The following ITIH3 variants were observed in gnomAD, a reference collection of about 807,000 sequenced individuals.
ITIH3 encodes the protein inter-alpha-trypsin inhibitor heavy chain 3, also known as inter-alpha-trypsin inhibitor heavy chain H3.
ITIH3 carries 81 observed loss-of-function variants against 96.5 expected under a neutral mutation model. The ratio of observed to expected loss-of-function variants is 0.84; its 90% CI spans 0.70 to 1.01. The LOEUF (loss-of-function observed/expected upper bound fraction) is 1.01, where lower values mean the gene tolerates loss of function less well. Ranked by LOEUF, ITIH3 falls within the 50% of genes least tolerant of loss-of-function variation. ITIH3 has a pLI of 0.00. For synonymous variants in ITIH3, 422 were observed against 445.2 expected (o/e 0.95, Z 0.66); for missense variants, 1,057 against 1,139.3 (o/e 0.93, Z 1.04).
At chr3:52,802,058 T>C (rs1259771055) in intron 11 of ITIH3, 4 of 394,286 alleles carry the variant, frequency 1.0e-5, no homozygotes, top group Non-Finnish European at 1.8e-5. Context: ...CCTTAAATAC[T>C]TTCTTTGTGC....
intron 7 of ITIH3, 62 bp from the exon 8 acceptor site, chr3:52,799,310 A>T: frequency 7.5e-7 from 1 of 1,325,846 alleles, no homozygotes; most frequent in Non-Finnish European, 1.0e-6. Flanking sequence ...TCTACCTGCA[A>T]GAATAGTCAA....
chr3:52,799,210 G>T, intron 7 of ITIH3, 119 bp downstream of exon 7: 1 of 1,337,064 alleles, frequency 7.5e-7, no homozygotes, highest in South Asian at 1.3e-5. Context: ...CCTGCAGGAT[G>T]TGGGACAGCT....
intron 13 of ITIH3, among the ~76,000 whole-genome samples, chr3:52,803,093 G>C (rs913200500): frequency 6.6e-6 from 1 of 152,166 alleles, no homozygotes; most frequent in Non-Finnish European, 1.5e-5. Flanking sequence ...AGGCTGAGTG[G>C]AACTGAAGGC....
intron 10 of ITIH3, 147 bp from the exon 11 acceptor site, chr3:52,800,818 C>T (rs550289890): frequency 6.9e-7 from 1 of 1,450,774 alleles, no homozygotes; most frequent in Admixed American, 2.0e-5. Context: ...CTCCCTCTGC[C>T]AGGGCTCTCC....
intron 18 of ITIH3, 23 bp downstream of exon 18, chr3:52,806,429 G>A (rs368064940): frequency 2.8e-5 from 44 of 1,569,548 alleles, no homozygotes; most frequent in East Asian, 1.1e-4. Context: ...GGCTAGGGCC[G>A]GGGCCAGGGG....
At chr3:52,797,302 C>T in intron 5 of ITIH3, 35 bp downstream of exon 5, 2 of 1,570,828 alleles carry the variant, frequency 1.3e-6, no homozygotes, top group African/African-American at 2.7e-5. Context: ...GGGGGGACGG[C>T]AGCGGGGTGC....
At chr3:52,799,533 G>A (rs1394625205) in intron 8 of ITIH3, 45 bp downstream of exon 8, 2 of 1,406,586 alleles carry the variant, frequency 1.4e-6, no homozygotes, top group African/African-American at 2.9e-5. Flanking sequence ...GTAGTAGGGG[G>A]TGGAAGAGAT....
At position 52,797,861 on chromosome 3, in the gene ITIH3, T is replaced by G; in HGVS notation, c.594T>G (p.Asp198Glu). Residue 198 changes from aspartate to glutamate, a missense_variant, in exon 6 of 22, where the codon GAT (aspartate) becomes GAG (glutamate). Physicochemically the swap from Asp to Glu is conservative, Grantham distance 45. Coordinates refer to ENST00000449956, the MANE Select transcript of ITIH3 (RefSeq NM_002217.4). ...AGCCTCAGGGAATCAGCATGCTGGA[T>G]GCTGAGGCCTCTTTCATCACCAACG... Reference protein sequence around the residue: ...IFEPQGISMLDAEASFITNDL... With the variant: ...IFEPQGISMLEAEASFITNDL... 6.2e-7 allele frequency: 1 copy of G among 1,610,294 alleles called. No individual in the cohort carries two copies. The highest frequency in any genetic ancestry group is 8.5e-7 in the Non-Finnish European group (1 of 1,178,564).
At chr3:52,796,142 C>T in intron 2 of ITIH3, 1 of 274,160 alleles carries the variant, frequency 3.6e-6, no homozygotes, top group Non-Finnish European at 6.9e-6. Flanking sequence ...GGAGGATGAG[C>T]AGGAAGAGCC....
Position 52,802,724 on chromosome 3 carries a change from C to A in ITIH3, c.1627C>A (p.Leu543Met), listed in dbSNP as rs1278128166. The A allele has an allele frequency of 6.2e-7, 1 of 1,614,004 alleles. No homozygotes were observed. The highest frequency in any genetic ancestry group is 1.7e-5 in the Admixed American group (1 of 60,032). ...EVDMKEMEKA[L>M]QERDYIFGNY... ...GGACATGAAGGAGATGGAGAAGGCC[C>A]TGCAGGAGCGGGACTACATCTTCGG... is the stretch of plus-strand genomic sequence containing the variant. The change falls in exon 13 of 22, where the codon CTG becomes ATG. Residue 543 changes from leucine (L) to methionine (M), a missense_variant. Leu to Met is a conservative substitution (Grantham distance 15). Transcript: ENST00000449956.
At position 52,796,543 on chromosome 3, in the gene ITIH3, T is replaced by C. The variant is rs1329712617; in HGVS notation, c.177T>C (p.Ala59=). 6.2e-7 allele frequency: 1 copy of C among 1,613,614 alleles called. No individual in the cohort carries two copies. The stretch of plus-strand genomic sequence containing the variant: ...ACTCCAAGGTGACCTCCCGTTTTGC[T>C]CACAATGTTGTCACCATGAGAGCCG... ...KINSKVTSRF[A]HNVVTMRAVN... Residue 59 remains alanine, a synonymous_variant, in exon 3 of 22, where the codon GCT becomes GCC. Coordinates refer to ENST00000449956, the MANE Select transcript of ITIH3 (RefSeq NM_002217.4).
chr3:52,800,755 G>C lies in ITIH3; in HGVS notation c.1201+92G>C, dbSNP rs1699801387. The C allele has an allele frequency of 3.3e-6, 5 of 1,529,370 alleles. No individual in the cohort carries two copies. In the Admixed American group the frequency reaches 9.8e-5, roughly 30 times the overall value. The allele number at this position is 1,529,370 out of a possible 1,614,324, so 94.7% of individuals were successfully genotyped here. On this transcript the variant is annotated intron_variant, in intron 10 of 21. Transcript: ENST00000449956. ...CTGGCTCATTGGAAAACCTGGGGCA[G>C]CTCTTCCCTGGGTTCCCTGTGGTCT...
At chr3:52,799,511 C>G (rs141881202) in intron 8 of ITIH3, 23 bp downstream of exon 8, 1 of 1,549,078 alleles carries the variant, frequency 6.5e-7, no homozygotes, top group Non-Finnish European at 8.8e-7. Context: ...AGTGGCACAG[C>G]CAGGGCTCGG....
In ITIH3 at chr3:52,808,132, C is replaced by G. The variant is rs891569992; in HGVS notation, c.2454C>G (p.Asp818Glu). ...CAGGGCAATTCTTCCAACCCTTTGA[C>G]TTTAAAGTGTCTGACATCCGGCCAG... The part of the protein sequence containing the change: ...GLLGQFFQPF[D>E]FKVSDIRPGS... The change falls in exon 21 of 22, where the codon GAC (aspartate) becomes GAG (glutamate). Residue 818 changes from aspartate (D) to glutamate (E), a missense_variant. Transcript: ENST00000449956. 2 of 1,614,190 alleles carry G rather than the reference C, an allele frequency of 1.2e-6. No homozygotes were observed. The highest frequency in any genetic ancestry group is 1.7e-6 in the Non-Finnish European group (2 of 1,180,004).
chr3:52,807,116 C>G lies in ITIH3; in HGVS notation c.2261+11C>G, dbSNP rs1045122309. 1 of 1,576,274 alleles carries G rather than the reference C, an allele frequency of 6.3e-7. No individual in the cohort carries two copies. The highest frequency in any genetic ancestry group is 8.6e-7 in the Non-Finnish European group (1 of 1,161,152). ...AGTCACGCAGGATGGGTAAGCTCCCCTACAAGGTCTCCAAGGTGGACTACA... is the reference window on the plus strand; with the variant it reads ...AGTCACGCAGGATGGGTAAGCTCCCGTACAAGGTCTCCAAGGTGGACTACA... On this transcript the variant is annotated intron_variant, in intron 19 of 21. Coordinates refer to ENST00000449956, the MANE Select transcript of ITIH3 (RefSeq NM_002217.4).
In ITIH3 at chr3:52,796,338, C is replaced by T. The variant is rs187733068; in HGVS notation, c.115-143C>T. On this transcript the variant is annotated intron_variant, in intron 2 of 21. Coordinates refer to ENST00000449956, the MANE Select transcript of ITIH3 (RefSeq NM_002217.4). ...AGACTGGAGACGCCACCAAGTCTTCCAGTGTAGAAGACCTGGAGGATGAGG... is the reference window on the plus strand; with the variant it reads ...AGACTGGAGACGCCACCAAGTCTTCTAGTGTAGAAGACCTGGAGGATGAGG... 94 of 665,512 alleles carry T rather than the reference C, an allele frequency of 1.4e-4. No homozygotes were observed. The South Asian group carries it at 1.8e-3, about 13-fold the overall frequency. The allele number at this position is 665,512 out of a possible 1,614,324, so 41.2% of individuals were successfully genotyped here.
intron 1 of ITIH3, 70 bp from the exon 2 acceptor site, chr3:52,795,533 C>T: frequency 6.5e-7 from 1 of 1,540,916 alleles, no homozygotes; most frequent in Admixed American, 1.9e-5. Flanking sequence ...CCCAGAGCCT[C>T]CCAGGCCATG....
chr3:52,807,869 A>G lies in ITIH3; in HGVS notation c.2384A>G (p.Tyr795Cys), dbSNP rs1264429471. The change falls in exon 20 of 22, where the codon TAC becomes TGC. Residue 795 changes from tyrosine to cysteine, a missense_variant. By Grantham distance (194) the Tyr-to-Cys change is radical. Transcript: ENST00000449956. ...GTCCACCGTGACTTTCTAGGCTTCT[A>G]CGTGGTGGACAGTCACCGGATGTCA... ...HPVHRDFLGF[Y>C]VVDSHRMSAQ... 1.2e-6 allele frequency: 2 copies of G among 1,612,496 alleles called. No homozygotes were observed. The highest frequency in any genetic ancestry group is 3.3e-5 in the Admixed American group (2 of 59,790).
chr3:52,801,038 G>A lies in ITIH3; in HGVS notation c.1275G>A (p.Leu425=). The stretch of plus-strand genomic sequence containing the variant: ...GGGGCAAGTTCCCCTTGTATAACCT[G>A]GGCTTTGGCAACAATCTGAATTATA... ...AIGGKFPLYN[L]GFGNNLNYNF... is the part of the protein sequence containing the mutation. The change falls in exon 11 of 22, where the codon CTG becomes CTA. Residue 425 remains leucine (L), a synonymous_variant. Coordinates refer to ENST00000449956, the MANE Select transcript of ITIH3 (RefSeq NM_002217.4). 1 of 1,613,964 alleles carries A rather than the reference G, an allele frequency of 6.2e-7. No individual in the cohort carries two copies. Among genetic ancestry groups the A allele is most frequent in the Non-Finnish European group, 8.5e-7 (1 of 1,179,862 alleles).
Sources: gnomAD v4.1 joint callset for allele counts (sites outside exome capture counted in the v4.1 genomes callset) on GRCh38, gnomAD v4.1.1 for gene constraint, MANE v1.5 for transcripts, NCBI Gene and HGNC (gene_info 2026-07-23, HGNC 2026-07-21) for gene names.